Variants in SBF2 observed in about 807,000 individuals in gnomAD.
The protein encoded by SBF2 is myotubularin-related protein 13.
Under a neutral mutation model 225.2 loss-of-function variants are expected in SBF2, and 112 were observed. That is an observed-to-expected ratio of 0.50 (90% CI 0.43 to 0.58). The LOEUF is 0.58. Among genes scored for constraint, SBF2 ranks in the 20% least tolerant of loss-of-function variants. The pLI, the probability that SBF2 is intolerant of heterozygous loss-of-function variation, is 0.00. For synonymous variants in SBF2, 763 were observed against 773.3 expected, an observed-to-expected ratio of 0.99 and a Z score of 0.22; for missense variants, 1,996 against 2,206.2, an observed-to-expected ratio of 0.90 and a Z score of 1.91.
chr11:10,228,134 G>A (rs1958662448), intron 1 of SBF2, among the ~76,000 whole-genome samples: 1 of 152,010 alleles, frequency 6.6e-6, no homozygotes, highest in Admixed American at 6.6e-5. Context: ...TCTGTTATTG[G>A]TGTATAAGAA....
intron 2 of SBF2, among the ~76,000 whole-genome samples, chr11:10,152,525 G>A (rs1955257256): frequency 6.6e-6 from 1 of 151,624 alleles, no homozygotes; most frequent in Non-Finnish European, 1.5e-5. Flanking sequence ...CACCAGCCTG[G>A]GCAACAAGAG....
At chr11:10,076,438 A>T (rs1019869303) in intron 2 of SBF2, among the ~76,000 whole-genome samples, 1 of 152,076 alleles carries the variant, frequency 6.6e-6, no homozygotes, top group African/African-American at 2.4e-5. Context: ...AGGAGCCCCT[A>T]TGGCCAGAAC....
chr11:9,875,511 T>C (rs993423352), intron 17 of SBF2, among the ~76,000 whole-genome samples: 11 of 152,204 alleles, frequency 7.2e-5, no homozygotes, highest in African/African-American at 2.4e-4. Context: ...CTTTACCTAA[T>C]TGTCCATAAC....
chr11:9,941,333 T>C (rs1346546839), intron 16 of SBF2, among the ~76,000 whole-genome samples: 1 of 144,366 alleles, frequency 6.9e-6, no homozygotes, highest in African/African-American at 2.6e-5. Context: ...TCAGTAAAAA[T>C]AAAAAAAAAA....
chr11:10,081,675 G>A (rs533654917), intron 2 of SBF2, among the ~76,000 whole-genome samples: 1 of 150,848 alleles, frequency 6.6e-6, no homozygotes, highest in East Asian at 2.0e-4. Flanking sequence ...CAGGAGGATC[G>A]CTTGAACCTG....
chr11:9,897,715 G>C (rs1256372343), intron 16 of SBF2, among the ~76,000 whole-genome samples: 2 of 152,146 alleles, frequency 1.3e-5, no homozygotes, highest in Non-Finnish European at 2.9e-5. Flanking sequence ...TCCGTTATAA[G>C]TTTGCATGAA....
intron 1 of SBF2, among the ~76,000 whole-genome samples, chr11:10,229,200 T>G (rs1958714240): frequency 6.6e-6 from 1 of 152,160 alleles, no homozygotes; most frequent in South Asian, 2.1e-4. Context: ...ATTTGATTCT[T>G]CTCTCTTTTC....
At chr11:9,993,385 T>TTC (rs1947527870) in intron 10 of SBF2, among the ~76,000 whole-genome samples, 2 of 138,614 alleles carry the variant, frequency 1.4e-5, no homozygotes. Context: ...TGCTTAAGTA[T>TTC]ATGTGTTCAG....
chr11:9,854,417 G>C (rs1564918745), intron 19 of SBF2, among the ~76,000 whole-genome samples: 1 of 152,090 alleles, frequency 6.6e-6, no homozygotes, highest in East Asian at 1.9e-4. Context: ...CAGACTCTGG[G>C]AAAAGACTCA....
intron 1 of SBF2, among the ~76,000 whole-genome samples, chr11:10,232,402 G>A (rs984331264): frequency 2.0e-5 from 3 of 152,168 alleles, no homozygotes; most frequent in Non-Finnish European, 4.4e-5. Context: ...CGTCGCTCAC[G>A]CTGGGAGCTG....
At chr11:10,078,733 CAA>C (rs760510771) in intron 2 of SBF2, among the ~76,000 whole-genome samples, 1 of 152,082 alleles carries the variant, frequency 6.6e-6, no homozygotes. Context: ...ACCTACGTAA[CAA>C]ACCTGCAGGT....
At chr11:9,780,839 C>T in intron 39 of SBF2, 1 of 365,604 alleles carries the variant, frequency 2.7e-6, no homozygotes, top group Non-Finnish European at 5.3e-6. Context: ...TGCACTGCAC[C>T]AATGCACTGA....
intron 2 of SBF2, among the ~76,000 whole-genome samples, chr11:10,093,368 C>T (rs1452507208): frequency 1.4e-5 from 2 of 146,808 alleles, no homozygotes; most frequent in Non-Finnish European, 3.0e-5. Context: ...ACAGCTTCAT[C>T]CAGTGGTCAG....
intron 17 of SBF2, among the ~76,000 whole-genome samples, chr11:9,859,407 G>C (rs1046703331): frequency 1.3e-5 from 2 of 152,106 alleles, no homozygotes; most frequent in African/African-American, 4.8e-5. Flanking sequence ...AGTGACTTGA[G>C]TCAACTTTCC....
At position 10,117,510 on chromosome 11, in the gene SBF2, A is replaced by G. The variant is rs534928796; in HGVS notation, c.142-74529T>C. Among the ~76,000 whole-genome samples the G allele has an allele frequency of 1.3e-4, 19 of 151,978 alleles. No homozygotes were observed. The South Asian group carries it at 3.9e-3, about 32-fold the overall frequency. On this transcript the variant is annotated intron_variant, in intron 2 of 39. Transcript: ENST00000256190. Reference sequence around the variant, plus strand: ...TATTTTGCTTTTCAGCTAGCTTAATATAAAAATTAAAATCACAAATGGGAC... The same window carrying G: ...TATTTTGCTTTTCAGCTAGCTTAATGTAAAAATTAAAATCACAAATGGGAC...
At chr11:10,110,596 C>T (rs1017004386) in intron 2 of SBF2, among the ~76,000 whole-genome samples, 1 of 152,054 alleles carries the variant, frequency 6.6e-6, no homozygotes, top group South Asian at 2.1e-4. Context: ...ATTGTATGGT[C>T]TCAAAATTTC....
At chr11:9,855,860 C>T (rs1857276575) in intron 19 of SBF2, among the ~76,000 whole-genome samples, 2 of 152,086 alleles carry the variant, frequency 1.3e-5, no homozygotes, top group Admixed American at 6.6e-5. Flanking sequence ...AATGAAAATA[C>T]CAGTACAAAG....
chr11:9,906,756 A>G (rs1302055607), intron 16 of SBF2, among the ~76,000 whole-genome samples: 9 of 152,208 alleles, frequency 5.9e-5, no homozygotes, highest in Non-Finnish European at 1.5e-5. Flanking sequence ...TTGTAGTAAT[A>G]AACATACCAG....
intron 6 of SBF2, among the ~76,000 whole-genome samples, chr11:10,017,345 C>A (rs1948695205): frequency 1.3e-5 from 2 of 152,144 alleles, no homozygotes; most frequent in Non-Finnish European, 2.9e-5. Context: ...AAAAGCCCTG[C>A]ACAATTTATT....
Sources: allele counts gnomAD v4.1 joint callset (sites outside exome capture counted in the v4.1 genomes callset), GRCh38; gene constraint gnomAD v4.1.1; transcripts MANE v1.5; gene names NCBI Gene and HGNC (gene_info 2026-07-23, HGNC 2026-07-21).